The following HHAT variants were observed in gnomAD, a reference collection of about 807,000 sequenced individuals.
HHAT encodes hedgehog acyltransferase.
HHAT carries 47 observed loss-of-function variants against 70.8 expected under a neutral mutation model. The observed-to-expected ratio is 0.66, with a 90% CI of 0.53 to 0.85. The LOEUF is 0.85. HHAT is among the 40% of genes least tolerant of loss of function. The probability of loss-of-function intolerance (pLI) is 0.00; values close to 1 mark genes in which losing one functional copy is unlikely to be tolerated. For synonymous variants in HHAT, 228 were observed against 247.6 expected (o/e 0.92, Z 0.74); for missense variants, 609 against 604.8 (o/e 1.01, Z -0.07).
chr1:210,601,985 G>A (rs1664392472), intron 10 of HHAT, among the ~76,000 whole-genome samples: 1 of 150,198 alleles, frequency 6.7e-6, no homozygotes. Context: ...GTGTGTGTGT[G>A]TATGTGTGCA....
chr1:210,608,533 G>GTT (rs200538587), intron 10 of HHAT, among the ~76,000 whole-genome samples: 1,656 of 152,206 alleles, frequency 0.011, 29 homozygotes, highest in African/African-American at 0.037. Flanking sequence ...GCATTGGCTA[G>GTT]TTTTGCCTGT....
intron 2 of HHAT, among the ~76,000 whole-genome samples, chr1:210,352,904 T>G (rs1041424722): frequency 1.3e-5 from 2 of 151,962 alleles, no homozygotes; most frequent in African/African-American, 4.8e-5. Flanking sequence ...TATGGTTTAG[T>G]AGACATAAAA....
intron 9 of HHAT, 36 bp downstream of exon 9, chr1:210,513,224 T>C: frequency 9.1e-7 from 1 of 1,098,572 alleles, no homozygotes; most frequent in Non-Finnish European, 1.4e-6. Context: ...TAACATTGAA[T>C]AACATGTCTA....
chr1:210,472,959 T>A (rs6540596), intron 8 of HHAT, among the ~76,000 whole-genome samples: 1 of 152,044 alleles, frequency 6.6e-6, no homozygotes, highest in African/African-American at 2.4e-5. Context: ...GAGACCAAGG[T>A]TCTTATTATG....
At chr1:210,451,326 G>A (rs564821344) in intron 7 of HHAT, among the ~76,000 whole-genome samples, 55 of 152,232 alleles carry the variant, frequency 3.6e-4, no homozygotes, top group African/African-American at 1.3e-3. Flanking sequence ...TGTGGCATAA[G>A]ATTTCTCTTT....
chr1:210,389,049 T>C (rs2091276667), intron 4 of HHAT, among the ~76,000 whole-genome samples: 1 of 152,232 alleles, frequency 6.6e-6, no homozygotes, highest in Non-Finnish European at 1.5e-5. Context: ...TCTTCATTTA[T>C]GGTCTTAGTG....
chr1:210,561,772 T>A (rs1412004524), intron 9 of HHAT, among the ~76,000 whole-genome samples: 1 of 152,236 alleles, frequency 6.6e-6, no homozygotes. Context: ...CACGTACTTA[T>A]CATTTTTTTG....
At chr1:210,374,190 T>G (rs1460481005) in intron 3 of HHAT, 1 of 152,210 alleles carries the variant, frequency 6.6e-6, no homozygotes, top group Non-Finnish European at 1.5e-5. Flanking sequence ...AAAATTAGCT[T>G]ATAACTGATT....
At chr1:210,412,406 G>A (rs1572250029) in intron 6 of HHAT, among the ~76,000 whole-genome samples, 1 of 152,146 alleles carries the variant, frequency 6.6e-6, no homozygotes, top group Middle Eastern at 3.2e-3. Flanking sequence ...ATCTAAGTCA[G>A]ATGTGTGTGA....
chr1:210,413,095 C>T (rs539530132), intron 6 of HHAT, among the ~76,000 whole-genome samples: 2 of 152,344 alleles, frequency 1.3e-5, no homozygotes, highest in South Asian at 4.1e-4. Context: ...ATGGTGGCAG[C>T]AGAGAGGGTC....
intron 9 of HHAT, among the ~76,000 whole-genome samples, chr1:210,581,078 G>T (rs1363792861): frequency 6.6e-6 from 1 of 152,168 alleles, no homozygotes; most frequent in South Asian, 2.1e-4. Flanking sequence ...GATGCTGAGT[G>T]ATGTTGAGCT....
chr1:210,524,710 G>A (rs1255867183), intron 9 of HHAT, among the ~76,000 whole-genome samples: 4 of 152,164 alleles, frequency 2.6e-5, no homozygotes, highest in African/African-American at 9.6e-5. Context: ...GGAATCTAGA[G>A]AAATTGGGAT....
intron 6 of HHAT, among the ~76,000 whole-genome samples, chr1:210,415,018 T>TA (rs955281257): frequency 4.4e-4 from 66 of 150,340 alleles, no homozygotes; most frequent in African/African-American, 1.4e-3. Flanking sequence ...AACTCTGTCT[T>TA]AAAAAAAAAA....
At chr1:210,572,838 G>T (rs12043206) in intron 9 of HHAT, among the ~76,000 whole-genome samples, 1 of 152,206 alleles carries the variant, frequency 6.6e-6, no homozygotes, top group Non-Finnish European at 1.5e-5. Context: ...TGAGGCTGTA[G>T]TGAGCCATGA....
intron 9 of HHAT, among the ~76,000 whole-genome samples, chr1:210,540,489 A>T (rs1346627858): frequency 1.0e-5 from 1 of 99,504 alleles, no homozygotes; most frequent in African/African-American, 2.8e-5. Flanking sequence ...ATGCACACAC[A>T]CGCACACACA....
chr1:210,471,062 G>A (rs1022983078), intron 8 of HHAT, among the ~76,000 whole-genome samples: 4 of 152,256 alleles, frequency 2.6e-5, no homozygotes, highest in African/African-American at 9.6e-5. Flanking sequence ...GCATTCAGTG[G>A]AAAGCTATGC....
intron 7 of HHAT, chr1:210,439,889 A>C (rs1193438780): frequency 6.6e-6 from 1 of 151,754 alleles, no homozygotes; most frequent in Non-Finnish European, 1.5e-5. Flanking sequence ...AGTTTTTAGG[A>C]GTTTCACTCT....
At chr1:210,445,228 T>C (rs2148373762) in intron 7 of HHAT, among the ~76,000 whole-genome samples, 1 of 152,354 alleles carries the variant, frequency 6.6e-6, no homozygotes, top group Non-Finnish European at 1.5e-5. Flanking sequence ...CTAGTATCTC[T>C]CCCTAGCCCC....
At chr1:210,423,749 C>G (rs1037081942) in intron 7 of HHAT, among the ~76,000 whole-genome samples, 1 of 152,156 alleles carries the variant, frequency 6.6e-6, no homozygotes, top group African/African-American at 2.4e-5. Context: ...TTCCATTCTT[C>G]TGCATATGGG....
Sources: gnomAD v4.1 joint callset for allele counts (sites outside exome capture counted in the v4.1 genomes callset) on GRCh38, gnomAD v4.1.1 for gene constraint, MANE v1.5 for transcripts, NCBI Gene and HGNC (gene_info 2026-07-23, HGNC 2026-07-21) for gene names.